The following CACNA1B variants were observed in gnomAD, a reference collection of about 807,000 sequenced individuals.
The protein encoded by CACNA1B is voltage-dependent N-type calcium channel subunit alpha-1B.
CACNA1B carries 70 observed loss-of-function variants against 247.2 expected under a neutral mutation model. The ratio of observed to expected loss-of-function variants is 0.28; its 90% CI spans 0.23 to 0.35. The LOEUF is 0.35. CACNA1B is among the 10% of genes least tolerant of loss of function. The pLI is 1.00. For synonymous variants in CACNA1B, 1,231 were observed against 1,294.4 expected (o/e 0.95, Z 1.05); for missense variants, 2,367 against 3,197.4 (o/e 0.74, Z 6.26).
chr9:138,101,521 T>C (rs1961251579), intron 37 of CACNA1B, among the ~76,000 whole-genome samples: 1 of 152,002 alleles, frequency 6.6e-6, no homozygotes, highest in South Asian at 2.1e-4. Context: ...CTCTCGAGAG[T>C]GAGCTGATGG....
At chr9:138,024,927 G>A (rs372005492) in intron 19 of CACNA1B, 28 bp from the exon 20 acceptor site, 9 of 1,503,348 alleles carry the variant, frequency 6.0e-6, no homozygotes, top group African/African-American at 4.2e-5. Context: ...CCACTGCGCC[G>A]AGGCCTGATG....
intron 34 of CACNA1B, among the ~76,000 whole-genome samples, chr9:138,075,041 C>T (rs1415953982): frequency 6.6e-6 from 1 of 152,174 alleles, no homozygotes; most frequent in Admixed American, 6.5e-5. Flanking sequence ...AAAGCAGTGT[C>T]CCAGTTATAA....
In CACNA1B at chr9:137,899,420, T is replaced by C. The variant is rs1957207426; in HGVS notation, c.531-13760T>C. 6.6e-6 allele frequency among the ~76,000 whole-genome samples: 1 copy of C among 152,176 alleles called. No homozygotes were observed. The highest frequency in any genetic ancestry group is 2.1e-4 in the South Asian group (1 of 4,832). On this transcript the variant is annotated intron_variant, in intron 3 of 46. Transcript: ENST00000371372. The surrounding 1 kb of genome is among the most constrained non-coding windows in gnomAD (Gnocchi z 5.0). ...TTCTCTTACAAAGAACTGTGTAGTCTGCCAACTCCTGAGGGTGTCATGAGA... is the reference window on the plus strand; with the variant it reads ...TTCTCTTACAAAGAACTGTGTAGTCCGCCAACTCCTGAGGGTGTCATGAGA...
At chr9:137,970,469 A>G (rs1958133166) in intron 10 of CACNA1B, among the ~76,000 whole-genome samples, 2 of 152,198 alleles carry the variant, frequency 1.3e-5, no homozygotes, top group Non-Finnish European at 1.5e-5. Context: ...TCAGTGGTGA[A>G]GAAGACAATG....
At chr9:138,096,930 TCTG>T (rs1961075844) in intron 37 of CACNA1B, among the ~76,000 whole-genome samples, 1 of 151,298 alleles carries the variant, frequency 6.6e-6, no homozygotes, top group Non-Finnish European at 1.5e-5. Flanking sequence ...ACTCAGGTCT[TCTG>T]CTGAAATTTA....
chr9:138,043,932 C>T (rs201207077), intron 21 of CACNA1B, 32 bp downstream of exon 21: 51 of 1,606,486 alleles, frequency 3.2e-5, no homozygotes, highest in Middle Eastern at 3.3e-4. Flanking sequence ...TGTGTGTGGC[C>T]GCCCACTCAC....
Position 137,917,094 on chromosome 9 carries a change from G to C in CACNA1B, c.776-147G>C. ...GCGATGCCTGATGCAGATTCGAGGA[G>C]GGATGGTGGGAAGTTGAGGGAGAGT... On this transcript the variant is annotated intron_variant, in intron 5 of 46. Transcript: ENST00000371372. This position sits in a 1 kb window ranked among gnomAD's most constrained non-coding sequence, Gnocchi z 5.5. 5.9e-6 allele frequency: 4 copies of C among 675,594 alleles called. No individual in the cohort carries two copies. Among genetic ancestry groups the C allele is most frequent in the Non-Finnish European group, 9.9e-6 (4 of 402,970 alleles). 41.8% of individuals were successfully genotyped at this position (675,594 alleles called of 1,614,324 possible).
chr9:137,994,186 C>T (rs1010836844), intron 15 of CACNA1B, among the ~76,000 whole-genome samples: 6 of 152,166 alleles, frequency 3.9e-5, no homozygotes, highest in Non-Finnish European at 7.4e-5. Context: ...TCAGCATACA[C>T]GAGACATACC....
chr9:138,027,390 TC>T (rs1958934277), intron 20 of CACNA1B, among the ~76,000 whole-genome samples: 2 of 152,322 alleles, frequency 1.3e-5, no homozygotes, highest in Admixed American at 1.3e-4. Context: ...TTTCACTGAT[TC>T]CCCCTTTTTT....
chr9:138,107,030 C>T (rs1443905024), intron 39 of CACNA1B, among the ~76,000 whole-genome samples: 1 of 152,054 alleles, frequency 6.6e-6, no homozygotes, highest in Non-Finnish European at 1.5e-5. Context: ...TTTCTCCGAT[C>T]CCACAAACTT....
chr9:137,902,605 T>TTAC (rs1957251489), intron 3 of CACNA1B, among the ~76,000 whole-genome samples: 2 of 152,240 alleles, frequency 1.3e-5, no homozygotes, highest in Admixed American at 6.5e-5. Context: ...TCTTTTCTGT[T>TTAC]TACAAAAAGT....
At chr9:137,902,039 T>G (rs1957246323) in intron 3 of CACNA1B, among the ~76,000 whole-genome samples, 1 of 152,224 alleles carries the variant, frequency 6.6e-6, no homozygotes, top group Admixed American at 6.5e-5. Context: ...ATATATTTTC[T>G]TGTTATATCC....
At chr9:137,972,453 C>T (rs1050307328) in intron 11 of CACNA1B, among the ~76,000 whole-genome samples, 7 of 152,102 alleles carry the variant, frequency 4.6e-5, no homozygotes, top group East Asian at 1.9e-4. Flanking sequence ...CTGAAGCTGC[C>T]GAGGCACCCA....
chr9:137,954,356 T>G lies in CACNA1B; in HGVS notation c.1071-1342T>G, dbSNP rs1325657882. ...GCATCTCTCTCTCCATTCCCAGAGC[T>G]CCCATCCTCACAGCATCCCAGAGAA... On this transcript the variant is annotated intron_variant, in intron 7 of 46. Transcript: ENST00000371372. This position sits in a 1 kb window ranked among gnomAD's most constrained non-coding sequence, Gnocchi z 4.1. Among the ~76,000 whole-genome samples, 1 of 152,134 alleles carries G rather than the reference T, an allele frequency of 6.6e-6. No homozygotes were observed. The highest frequency in any genetic ancestry group is 2.4e-5 in the African/African-American group (1 of 41,430).
Position 137,986,624 on chromosome 9 carries a change from C to A in CACNA1B, c.1901+80C>A. The stretch of plus-strand genomic sequence containing the variant: ...CTCAGAGCAGACGGTGCCGCCCAGG[C>A]TGCCTCCACCCACCTTCCCACCAGG... On this transcript the variant is annotated intron_variant, in intron 14 of 46. Coordinates refer to ENST00000371372, the MANE Select transcript of CACNA1B (RefSeq NM_000718.4). This position sits in a 1 kb window ranked among gnomAD's most constrained non-coding sequence, Gnocchi z 6.0. 6.5e-7 allele frequency: 1 copy of A among 1,546,726 alleles called. No homozygotes were observed. Among genetic ancestry groups the A allele is most frequent in the Non-Finnish European group, 8.9e-7 (1 of 1,122,852 alleles).
chr9:137,967,772 G>A (rs1300319649), intron 10 of CACNA1B, among the ~76,000 whole-genome samples: 1 of 152,164 alleles, frequency 6.6e-6, no homozygotes, highest in Non-Finnish European at 1.5e-5. Context: ...CTTGCTCTCT[G>A]TCTGCCCCTC....
intron 12 of CACNA1B, among the ~76,000 whole-genome samples, chr9:137,980,995 T>A (rs1016613179): frequency 1.3e-5 from 2 of 152,216 alleles, no homozygotes; most frequent in African/African-American, 4.8e-5. Flanking sequence ...GAACGAGTTA[T>A]AGTCCCTTGG....
chr9:138,013,362 CACAGCCCCTCCTCGGAACTGGGAT>C (rs1319600542), intron 18 of CACNA1B, 127 bp downstream of exon 18: 1 of 632,998 alleles, frequency 1.6e-6, no homozygotes, highest in East Asian at 2.9e-5. Context: ...CGGGTGAGGA[CACAGCCCCTCCTCGGAACTGGGAT>C]GAGAGCCTGG....
chr9:137,921,876 A>AGATGTTG, intron 6 of CACNA1B, among the ~76,000 whole-genome samples: 1 of 146,654 alleles, frequency 6.8e-6, no homozygotes, highest in Non-Finnish European at 1.5e-5. Flanking sequence ...CATGATCAGC[A>AGATGTTG]CTGCAGCCGC....
Sources: allele counts gnomAD v4.1 joint callset (sites outside exome capture counted in the v4.1 genomes callset), GRCh38; gene constraint gnomAD v4.1.1; non-coding constraint Gnocchi (gnomAD v3.1); transcripts MANE v1.5; gene names NCBI Gene and HGNC (gene_info 2026-07-23, HGNC 2026-07-21).